Variants in CDKN2B-AS1 observed in about 807,000 individuals in gnomAD.
The protein encoded by CDKN2B-AS1 is CDKN2B antisense RNA 1 (non-protein coding).
At chr9:22,014,073 A>G (rs1012597689) in intron 1 of CDKN2B-AS1, among the ~76,000 whole-genome samples, 1 of 152,128 alleles carries the variant, frequency 6.6e-6, no homozygotes, top group African/African-American at 2.4e-5. Context: ...TATTTCATAG[A>G]TTATTATTTT....
At chr9:22,085,680 C>T (rs998552409) in intron 4 of CDKN2B-AS1, among the ~76,000 whole-genome samples, 1 of 149,146 alleles carries the variant, frequency 6.7e-6, no homozygotes, top group African/African-American at 2.5e-5. Flanking sequence ...GAGATCGTGC[C>T]ACTGCACTCC....
chr9:22,081,471 T>A (rs894511168), intron 4 of CDKN2B-AS1, among the ~76,000 whole-genome samples: 13 of 152,202 alleles, frequency 8.5e-5, no homozygotes, highest in African/African-American at 2.9e-4. Context: ...AACCCAAAGT[T>A]GACACTTGAG....
At chr9:22,026,680 C>T (rs1822253106) in intron 1 of CDKN2B-AS1, among the ~76,000 whole-genome samples, 1 of 152,172 alleles carries the variant, frequency 6.6e-6, no homozygotes, top group Non-Finnish European at 1.5e-5. Flanking sequence ...AGTCTAACCT[C>T]CTGGGGTATG....
intron 4 of CDKN2B-AS1, among the ~76,000 whole-genome samples, chr9:22,066,976 A>C (rs539806758): frequency 2.7e-4 from 41 of 152,254 alleles, no homozygotes; most frequent in African/African-American, 9.1e-4. Flanking sequence ...CAGAAAACCA[A>C]ACACTGATGT....
rs1820698184 is a variant in CDKN2B-AS1 at position 21,996,611 on chromosome 9, T to C, written n.29+1450T>C. On this transcript the variant is annotated intron_variant and non_coding_transcript_variant, in intron 1 of 4. Coordinates refer to ENST00000650946, the Ensembl canonical transcript of CDKN2B-AS1. The surrounding 1 kb of genome is among the most constrained non-coding windows in gnomAD (Gnocchi z 5.4). ...TTTGTTGTGTAGAATGTCAGCTCTA[T>C]GGGAACCAGATCCTTTTATGGGTCT... Among the ~76,000 whole-genome samples, 1 of 137,826 alleles carries C rather than the reference T, an allele frequency of 7.3e-6. No individual in the cohort carries two copies. The highest frequency in any genetic ancestry group is 1.7e-5 in the Non-Finnish European group (1 of 58,832). 90.4% of individuals were successfully genotyped at this position (137,826 alleles called of 152,430 possible). A position where few individuals can be genotyped will look rare whatever the true frequency, so the allele number is the denominator to read the frequency against.
intron 1 of CDKN2B-AS1, among the ~76,000 whole-genome samples, chr9:22,036,395 G>GC (rs1417833524): frequency 6.6e-6 from 1 of 151,912 alleles, no homozygotes; most frequent in Non-Finnish European, 1.5e-5. Flanking sequence ...GCAAATCTAG[G>GC]CCCCCCAAAA....
intron 4 of CDKN2B-AS1, among the ~76,000 whole-genome samples, chr9:22,122,060 A>T (rs373906963): frequency 3.4e-5 from 5 of 145,516 alleles, no homozygotes; most frequent in South Asian, 2.2e-4. Flanking sequence ...AGCATTTGTT[A>T]TTTTTTTTTT....
intron 4 of CDKN2B-AS1, chr9:22,117,862 C>A (rs916074995): frequency 2.6e-5 from 4 of 152,272 alleles, no homozygotes; most frequent in Admixed American, 2.0e-4. Flanking sequence ...AATAAACTCA[C>A]AACCAGCATT....
At chr9:22,127,039 A>AT (rs1366306167) in intron 4 of CDKN2B-AS1, among the ~76,000 whole-genome samples, 1 of 152,174 alleles carries the variant, frequency 6.6e-6, no homozygotes, top group African/African-American at 2.4e-5. Context: ...TGTTTGACAT[A>AT]TGACCAATTA....
intron 4 of CDKN2B-AS1, chr9:22,119,156 T>C (rs145595455): frequency 2.6e-5 from 4 of 152,166 alleles, no homozygotes; most frequent in African/African-American, 9.6e-5. Context: ...CTTGTAGGAT[T>C]ATTGTGAGGC....
At chr9:22,086,600 C>T (rs1269030227) in intron 4 of CDKN2B-AS1, among the ~76,000 whole-genome samples, 2 of 152,066 alleles carry the variant, frequency 1.3e-5, no homozygotes, top group African/African-American at 4.8e-5. Context: ...ATATGAAATT[C>T]TTAAAAACAA....
chr9:22,008,793 G>A (rs1199339082), intron 1 of CDKN2B-AS1: 3 of 1,606,564 alleles, frequency 1.9e-6, no homozygotes, highest in African/African-American at 2.7e-5. Context: ...TGGGGCCCCA[G>A]CTACCTGGAT....
chr9:21,998,273 A>G (rs1820773485), intron 1 of CDKN2B-AS1, among the ~76,000 whole-genome samples: 1 of 152,214 alleles, frequency 6.6e-6, no homozygotes, highest in Admixed American at 6.5e-5. Flanking sequence ...CGGAGTGACT[A>G]TTGGCTATGT....
intron 1 of CDKN2B-AS1, among the ~76,000 whole-genome samples, chr9:22,017,070 A>G (rs186766708): frequency 2.0e-4 from 31 of 152,318 alleles, no homozygotes; most frequent in Admixed American, 2.0e-3. Flanking sequence ...CCAGTCCTAT[A>G]CATAATATTA....
rs1820892423 is a variant in CDKN2B-AS1 at position 22,000,934 on chromosome 9, G to T, written n.29+5773G>T. 6.6e-6 allele frequency among the ~76,000 whole-genome samples: 1 copy of T among 152,086 alleles called. No homozygotes were observed. Among genetic ancestry groups the T allele is most frequent in the Admixed American group, 6.6e-5 (1 of 15,264 alleles). On this transcript the variant is annotated intron_variant and non_coding_transcript_variant, in intron 1 of 4. Coordinates refer to ENST00000650946, the Ensembl canonical transcript of CDKN2B-AS1. The surrounding 1 kb of genome is among the most constrained non-coding windows in gnomAD (Gnocchi z 4.1). ...CATTCTTGGTCCTGACTCCTACTCT[G>T]TTATCCATAGCTCAGTACCTAGTAT...
chr9:22,080,524 G>A (rs967780641), intron 4 of CDKN2B-AS1, among the ~76,000 whole-genome samples: 1 of 152,246 alleles, frequency 6.6e-6, no homozygotes, highest in African/African-American at 2.4e-5. Flanking sequence ...GAGCTTTACA[G>A]ATGAGTTCTA....
At chr9:22,055,232 A>C (rs1823510197) in intron 3 of CDKN2B-AS1, among the ~76,000 whole-genome samples, 1 of 152,228 alleles carries the variant, frequency 6.6e-6, no homozygotes, top group South Asian at 2.1e-4. Context: ...AAATCAAACT[A>C]AGATATCTGT....
At chr9:22,098,214 A>G (rs191967451) in intron 4 of CDKN2B-AS1, among the ~76,000 whole-genome samples, 1 of 151,566 alleles carries the variant, frequency 6.6e-6, no homozygotes, top group African/African-American at 2.4e-5. Flanking sequence ...TTTATATTAT[A>G]TATGTGTATA....
intron 3 of CDKN2B-AS1, among the ~76,000 whole-genome samples, chr9:22,049,426 A>C (rs1035066072): frequency 6.6e-6 from 1 of 152,174 alleles, no homozygotes; most frequent in Non-Finnish European, 1.5e-5. Context: ...AAATCTGGGT[A>C]TAAGTCCGAA....
Sources: allele counts gnomAD v4.1 joint callset (sites outside exome capture counted in the v4.1 genomes callset), GRCh38; gene constraint gnomAD v4.1.1; non-coding constraint Gnocchi (gnomAD v3.1); transcripts MANE v1.5; gene names NCBI Gene and HGNC (gene_info 2026-07-23, HGNC 2026-07-21).